The following ST7 variants were observed in gnomAD, a reference collection of about 807,000 sequenced individuals.
The protein encoded by ST7 is suppressor of tumorigenicity 7 protein.
A neutral mutation model predicts 78.7 loss-of-function variants in ST7; 28 were observed. The ratio of observed to expected loss-of-function variants is 0.36; its 90% CI spans 0.26 to 0.49. ST7 has a LOEUF of 0.49. Among genes scored for constraint, ST7 ranks in the 20% least tolerant of loss-of-function variants. The pLI is 0.99. For missense variants in ST7, 418 were observed against 696.0 expected, an observed-to-expected ratio of 0.60 and a Z score of 4.49; for synonymous variants, 247 against 249.6, an observed-to-expected ratio of 0.99 and a Z score of 0.10.
intron 9 of ST7, among the ~76,000 whole-genome samples, chr7:117,141,055 G>C (rs755377821): frequency 2.0e-5 from 3 of 152,188 alleles, no homozygotes; most frequent in Admixed American, 6.5e-5. Flanking sequence ...TTCCCTGAGA[G>C]ATTCACTCCT....
chr7:116,998,016 G>A (rs913862255), intron 1 of ST7, among the ~76,000 whole-genome samples: 2 of 152,220 alleles, frequency 1.3e-5, no homozygotes, highest in African/African-American at 4.8e-5. Flanking sequence ...CACTTGGACG[G>A]TCGATGGGAC....
chr7:117,175,215 A>G (rs941374914), intron 10 of ST7, among the ~76,000 whole-genome samples: 8 of 152,186 alleles, frequency 5.3e-5, no homozygotes, highest in Non-Finnish European at 1.2e-4. Context: ...CTCTTCAGTC[A>G]TACATTTGCT....
intron 1 of ST7, among the ~76,000 whole-genome samples, chr7:117,030,017 A>G (rs1209045587): frequency 1.3e-5 from 2 of 152,142 alleles, no homozygotes; most frequent in African/African-American, 4.8e-5. Context: ...ATCCTTTCAT[A>G]TCCCTATGCA....
chr7:117,121,128 C>T (rs1325077225), intron 3 of ST7, among the ~76,000 whole-genome samples: 1 of 152,184 alleles, frequency 6.6e-6, no homozygotes, highest in African/African-American at 2.4e-5. Context: ...GACAAGAGCA[C>T]AATTAATCTG....
intron 7 of ST7, 129 bp downstream of exon 7, chr7:117,134,321 C>T (rs1804607982): frequency 7.3e-7 from 1 of 1,363,624 alleles, no homozygotes; most frequent in East Asian, 2.4e-5. Context: ...GACAAGGATG[C>T]ATCATCTATA....
chr7:117,228,195 C>G (rs780934740), intron 15 of ST7, among the ~76,000 whole-genome samples: 17 of 152,198 alleles, frequency 1.1e-4, no homozygotes, highest in Admixed American at 2.0e-4. Context: ...GCCTCTTTCT[C>G]AAAAGTATTC....
chr7:117,043,581 T>A (rs767640843), intron 1 of ST7, among the ~76,000 whole-genome samples: 5 of 152,222 alleles, frequency 3.3e-5, no homozygotes, highest in Non-Finnish European at 1.5e-5. Context: ...TTTCCTATAT[T>A]GTTTAATTGC....
intron 12 of ST7, among the ~76,000 whole-genome samples, chr7:117,209,466 C>T (rs1792104956): frequency 6.6e-6 from 1 of 152,210 alleles, no homozygotes; most frequent in Non-Finnish European, 1.5e-5. Context: ...TTTCATTCTG[C>T]TTCCAAAATT....
chr7:117,228,510 G>A (rs777531935), intron 15 of ST7, among the ~76,000 whole-genome samples: 6 of 152,126 alleles, frequency 3.9e-5, no homozygotes, highest in East Asian at 1.9e-4. Context: ...TATGGATCTC[G>A]CATTTGATGA....
At chr7:117,223,964 A>ATT in intron 15 of ST7, 2 of 966,354 alleles carry the variant, frequency 2.1e-6, no homozygotes, top group Non-Finnish European at 2.5e-6. Flanking sequence ...ACAGCTTAGT[A>ATT]TTTTTTTTTC....
Position 116,972,934 on chromosome 7 carries a change from G to C in ST7, c.151+19243G>C, listed in dbSNP as rs558655074. 63 of 1,259,906 alleles carry C rather than the reference G, an allele frequency of 5.0e-5. No homozygotes were observed. In the East Asian group the frequency reaches 1.4e-3, roughly 29 times the overall value. 78.0% of individuals were successfully genotyped at this position (1,259,906 alleles called of 1,614,324 possible). On this transcript the variant is annotated intron_variant, in intron 1 of 15. Transcript: ENST00000323984. ...CATGGTGCCCACTCAGCTACTGCTC[G>C]CACTCCGATTCCTGCCTCCTCTGCT...
chr7:117,119,700 C>T lies in ST7; in HGVS notation c.374C>T (p.Ser125Phe), dbSNP rs1487905319. Reference sequence around the variant, plus strand: ...AATTCCAGTAACGGGGACTCAGATTCCAATAGGCAAAGTGTCTCAGGTATG... The same window carrying T: ...AATTCCAGTAACGGGGACTCAGATTTCAATAGGCAAAGTGTCTCAGGTATG... ...NSNSSNGDSD[S>F]NRQSVSECKV... Residue 125 changes from serine to phenylalanine, a missense_variant, in exon 3 of 16, where the codon TCC becomes TTC. By Grantham distance (155) the Ser-to-Phe change is radical (BLOSUM62 -2). Transcript: ENST00000323984. The T allele has an allele frequency of 6.2e-7, 1 of 1,612,856 alleles. No homozygotes were observed. The highest frequency in any genetic ancestry group is 8.5e-7 in the Non-Finnish European group (1 of 1,179,794).
chr7:117,216,734 AT>A (rs1792718286), intron 13 of ST7, among the ~76,000 whole-genome samples: 2 of 152,216 alleles, frequency 1.3e-5, no homozygotes, highest in Admixed American at 1.3e-4. Flanking sequence ...CAGAAATTGT[AT>A]TTGCTTTTGT....
intron 1 of ST7, among the ~76,000 whole-genome samples, chr7:116,994,355 T>C (rs933429609): frequency 2.0e-5 from 3 of 152,236 alleles, no homozygotes; most frequent in Non-Finnish European, 2.9e-5. Context: ...TGGTTTGAGG[T>C]TGATTAATAA....
At chr7:117,196,442 G>A (rs1033554944) in intron 12 of ST7, among the ~76,000 whole-genome samples, 2 of 152,122 alleles carry the variant, frequency 1.3e-5, no homozygotes, top group Non-Finnish European at 2.9e-5. Context: ...TTGTTATTTT[G>A]TTGAGAGTGG....
intron 1 of ST7, among the ~76,000 whole-genome samples, chr7:117,064,661 T>C (rs1798537330): frequency 6.6e-6 from 1 of 152,246 alleles, no homozygotes. Context: ...TGTTGCTTCA[T>C]AAAGCTGTTT....
intron 1 of ST7, among the ~76,000 whole-genome samples, chr7:117,095,303 C>A (rs772841451): frequency 6.6e-6 from 1 of 152,196 alleles, no homozygotes; most frequent in Non-Finnish European, 1.5e-5. Context: ...CTGAGTAAGC[C>A]TTCTGGTGTG....
intron 5 of ST7, among the ~76,000 whole-genome samples, chr7:117,131,073 T>A (rs1265907038): frequency 6.6e-6 from 1 of 151,840 alleles, no homozygotes; most frequent in Non-Finnish European, 1.5e-5. Flanking sequence ...AGATGTGTGT[T>A]CCATCTGAGA....
intron 1 of ST7, among the ~76,000 whole-genome samples, chr7:116,978,697 G>T (rs553016918): frequency 2.0e-5 from 3 of 151,948 alleles, no homozygotes; most frequent in African/African-American, 7.3e-5. Flanking sequence ...AGCGATTCTC[G>T]TGCCTCAGCC....
Sources: allele counts gnomAD v4.1 joint callset (sites outside exome capture counted in the v4.1 genomes callset), GRCh38; gene constraint gnomAD v4.1.1; transcripts MANE v1.5; gene names NCBI Gene and HGNC (gene_info 2026-07-23, HGNC 2026-07-21).